TBC1D9B: variants seen among roughly 807,000 people sequenced by gnomAD.
The protein encoded by TBC1D9B is TBC1 domain family member 9B, also known as TBC1 domain family, member 9B (with GRAM domain).
In TBC1D9B, 87 loss-of-function variants were observed where a neutral mutation model predicts 121.1. That is an observed-to-expected ratio of 0.72 (90% CI 0.60 to 0.86). The LOEUF (loss-of-function observed/expected upper bound fraction) is 0.86. Ranked by LOEUF, TBC1D9B falls within the 40% of genes least tolerant of loss-of-function variation. The pLI is 0.00. For synonymous variants in TBC1D9B, 668 were observed against 670.1 expected (o/e 1.00, Z 0.05); for missense variants, 1,540 against 1,628.6 (o/e 0.95, Z 0.94).
At position 179,902,645 on chromosome 5, in the gene TBC1D9B, C is replaced by T. The variant is rs1449585589; in HGVS notation, c.229+2057G>A. 1.3e-5 allele frequency among the ~76,000 whole-genome samples: 2 copies of T among 152,162 alleles called. No homozygotes were observed. The highest frequency in any genetic ancestry group is 1.5e-5 in the Non-Finnish European group (1 of 68,010). ...GTGACTAAAGGGATTCCCACTCTGC[C>T]CCTCGTACTTTTCTCTCCCCAGGGA... On this transcript the variant is annotated intron_variant, in intron 2 of 20. Coordinates refer to ENST00000355235, the MANE Select transcript of TBC1D9B (RefSeq NM_015043.4). The surrounding 1 kb of genome is among the most constrained non-coding windows in gnomAD (Gnocchi z 4.9).
rs375585493 is a variant in TBC1D9B, at chr5:179,874,892, G to A, written c.2186+10C>T. On this transcript the variant is annotated intron_variant, in intron 12 of 20. Transcript: ENST00000355235. The surrounding 1 kb of genome is among the most constrained non-coding windows in gnomAD (Gnocchi z 4.3). ...GAGCCCCCAGCAGGAGAAGGAACCC[G>A]GCATGTCACCTGCCCAGCATGGTCA... The A allele has an allele frequency of 6.3e-5, 102 of 1,611,036 alleles. No individual in the cohort carries two copies. Among genetic ancestry groups the A allele is most frequent in the Non-Finnish European group, 8.0e-5 (94 of 1,179,010 alleles).
In TBC1D9B at chr5:179,871,382, G is replaced by T. The variant is rs111312805; in HGVS notation, c.2484+80C>A. ...TCCCTATTTCTATCTACTTCTAAGAGGATACTCTTAGATCCATTTCTTTTC... is the reference window on the plus strand; with the variant it reads ...TCCCTATTTCTATCTACTTCTAAGATGATACTCTTAGATCCATTTCTTTTC... On this transcript the variant is annotated intron_variant, in intron 15 of 20. Transcript: ENST00000355235. 3.9e-4 allele frequency: 540 copies of T among 1,387,160 alleles called. 3 individuals are homozygous for T. The African/African-American group carries it at 6.8e-3, about 17-fold the overall frequency. 85.9% of individuals were successfully genotyped at this position (1,387,160 alleles called of 1,614,324 possible). A position where few individuals can be genotyped will look rare whatever the true frequency, so the allele number is the denominator to read the frequency against.
intron 4 of TBC1D9B, 106 bp from the exon 5 acceptor site, chr5:179,893,573 C>A: frequency 2.1e-6 from 3 of 1,430,186 alleles, no homozygotes; most frequent in Non-Finnish European, 2.8e-6. Flanking sequence ...TCTCTGGGGG[C>A]AGCACTTCCT....
chr5:179,863,154 G>C lies in TBC1D9B; in HGVS notation c.*294C>G, dbSNP rs9957. ...CAAGCAAGGGCAGATCTGAGAGCCT[G>C]TAATGCTAGGCAGGTGCAGCTGGTG... On this transcript the variant is annotated 3_prime_UTR_variant, in exon 21 of 21. Coordinates refer to ENST00000355235, the MANE Select transcript of TBC1D9B (RefSeq NM_015043.4). The surrounding 1 kb of genome is among the most constrained non-coding windows in gnomAD (Gnocchi z 4.5). 224,729 of 427,524 alleles carry C rather than the reference G, an allele frequency of 0.53. 65,603 individuals carry two copies. Among genetic ancestry groups the C allele is most frequent in the African/African-American group, 0.88 (44,380 of 50,318 alleles). 26.5% of individuals were successfully genotyped at this position (427,524 alleles called of 1,614,324 possible).
In TBC1D9B at chr5:179,894,581, G is replaced by T; in HGVS notation, c.382C>A (p.Pro128Thr). ...TTCCCGGGGTCCTCGTCTCCCTGGGGCTGCAGGTTCTTGTTCTCTTCTGCG... is the reference window on the plus strand; with the variant it reads ...TTCCCGGGGTCCTCGTCTCCCTGGGTCTGCAGGTTCTTGTTCTCTTCTGCG... ...IIAEENKNLQPQGDEDPGKFK... is the reference protein window; with the variant it reads ...IIAEENKNLQTQGDEDPGKFK... The change falls in exon 4 of 21, where the codon CCC (proline) becomes ACC (threonine). Residue 128 changes from proline (P) to threonine (T), a missense_variant. Pro to Thr is a conservative substitution (Grantham distance 38). Transcript: ENST00000355235. 1 of 1,614,188 alleles carries T rather than the reference G, an allele frequency of 6.2e-7. No individual in the cohort carries two copies. Among genetic ancestry groups the T allele is most frequent in the Non-Finnish European group, 8.5e-7 (1 of 1,180,032 alleles).
rs1185082837 is a variant in TBC1D9B, at chr5:179,885,655, T to C, written c.1254+2448A>G. On this transcript the variant is annotated intron_variant, in intron 7 of 20. Coordinates refer to ENST00000355235, the MANE Select transcript of TBC1D9B (RefSeq NM_015043.4). This position sits in a 1 kb window ranked among gnomAD's most constrained non-coding sequence, Gnocchi z 4.5. ...TTTCATACGAAGTCTCCAAAACCCG[T>C]GTACAGTGATCTGAACACTCACAGC... 1.3e-5 allele frequency among the ~76,000 whole-genome samples: 2 copies of C among 152,080 alleles called. No homozygotes were observed. The highest frequency in any genetic ancestry group is 2.9e-5 in the Non-Finnish European group (2 of 68,010).
intron 8 of TBC1D9B, 66 bp downstream of exon 8, chr5:179,879,562 G>T: frequency 6.2e-7 from 1 of 1,610,108 alleles, no homozygotes; most frequent in South Asian, 1.1e-5. Flanking sequence ...CCCAGGACTG[G>T]CTCCAGCTTT....
rs1195915112 is a variant in TBC1D9B at position 179,885,417 on chromosome 5, C to T, written c.1254+2686G>A. Among the ~76,000 whole-genome samples the T allele has an allele frequency of 6.6e-6, 1 of 151,912 alleles. No homozygotes were observed. Among genetic ancestry groups the T allele is most frequent in the Admixed American group, 6.6e-5 (1 of 15,258 alleles). On this transcript the variant is annotated intron_variant, in intron 7 of 20. Coordinates refer to ENST00000355235, the MANE Select transcript of TBC1D9B (RefSeq NM_015043.4). The surrounding 1 kb of genome is among the most constrained non-coding windows in gnomAD (Gnocchi z 4.5). ...CCAGACTGGCCAACATGGCAAAAAC[C>T]CGTCTCTACTAAAAATACAAAATAA...
rs770463056 is a variant in TBC1D9B at position 179,873,236 on chromosome 5, A to G, written c.2199T>C (p.Asn733=). The change falls in exon 13 of 21, where the codon AAT becomes AAC. Residue 733 remains asparagine, a synonymous_variant. Transcript: ENST00000355235. ...GAGAGACACTCTGCTTGTTGACCAC[A>G]TTATCCAGGTATCTGCAAAGGACAG... The part of the protein sequence containing the change: ...AMTMLGRYLD[N]VVNKQSVSPP... 3.1e-6 allele frequency: 5 copies of G among 1,609,434 alleles called. No homozygotes were observed. Among genetic ancestry groups the G allele is most frequent in the Non-Finnish European group, 3.4e-6 (4 of 1,177,804 alleles).
In TBC1D9B at chr5:179,885,101, T is replaced by C. The variant is rs147325377; in HGVS notation, c.1254+3002A>G. ...CTTCTGTGATGGGCTCCAGCCGGCCTCCTTGCTTCTATTCTTGCCACTCTC... is the reference window on the plus strand; with the variant it reads ...CTTCTGTGATGGGCTCCAGCCGGCCCCCTTGCTTCTATTCTTGCCACTCTC... On this transcript the variant is annotated intron_variant, in intron 7 of 20. Coordinates refer to ENST00000355235, the MANE Select transcript of TBC1D9B (RefSeq NM_015043.4). This position sits in a 1 kb window ranked among gnomAD's most constrained non-coding sequence, Gnocchi z 4.5. Among the ~76,000 whole-genome samples the C allele has an allele frequency of 5.2e-3, 788 of 152,296 alleles. 8 individuals carry two copies. The highest frequency in any genetic ancestry group is 0.018 in the African/African-American group (761 of 41,552).
At chr5:179,897,824 A>C (rs983217281) in intron 3 of TBC1D9B, among the ~76,000 whole-genome samples, 2 of 152,252 alleles carry the variant, frequency 1.3e-5, no homozygotes, top group Non-Finnish European at 2.9e-5. Flanking sequence ...AGATAGAGGT[A>C]ACCAGGTCTC....
intron 7 of TBC1D9B, among the ~76,000 whole-genome samples, chr5:179,880,627 G>T (rs1760514732): frequency 6.6e-6 from 1 of 152,138 alleles, no homozygotes; most frequent in South Asian, 2.1e-4. Flanking sequence ...TGTGGTGATG[G>T]CTTCATGGGC....
intron 12 of TBC1D9B, among the ~76,000 whole-genome samples, 175 bp from the exon 13 acceptor site, chr5:179,873,423 G>C (rs866586595): frequency 6.6e-6 from 1 of 152,242 alleles, no homozygotes; most frequent in African/African-American, 2.4e-5. Context: ...CCCCCAGCAA[G>C]TTGGGGAGCC....
intron 10 of TBC1D9B, among the ~76,000 whole-genome samples, 188 bp downstream of exon 10, chr5:179,878,121 C>T (rs753769521): frequency 7.9e-5 from 12 of 152,238 alleles, no homozygotes; most frequent in Non-Finnish European, 1.3e-4. Context: ...AGTACAAAGA[C>T]GACGACTTCT....
chr5:179,873,839 T>TA (rs1433578683), intron 12 of TBC1D9B, among the ~76,000 whole-genome samples: 5 of 152,058 alleles, frequency 3.3e-5, no homozygotes, highest in African/African-American at 1.2e-4. Flanking sequence ...CCCATGCCCA[T>TA]AGCCCTGGTC....
Position 179,864,107 on chromosome 5 carries a change from T to C in TBC1D9B, c.3043A>G (p.Lys1015Glu), listed in dbSNP as rs1206610304. The change falls in exon 21 of 21, where the codon AAG (lysine) becomes GAG (glutamate). Residue 1015 changes from lysine to glutamate, a missense_variant. Lys to Glu is a moderately conservative substitution (Grantham distance 56). Transcript: ENST00000355235. ...TCACTGAACATGTTGTAAAGCGTCT[T>C]GCACAGCTCAATGAACTGCTCCTTT... ...MNQEQFIELC[K>E]TLYNMFSEDP... The C allele has an allele frequency of 1.2e-6, 2 of 1,608,550 alleles. No individual in the cohort carries two copies. The highest frequency in any genetic ancestry group is 2.7e-5 in the African/African-American group (2 of 74,804).
chr5:179,876,820 T>C (rs1481302520), intron 10 of TBC1D9B, among the ~76,000 whole-genome samples: 9 of 152,074 alleles, frequency 5.9e-5, no homozygotes, highest in African/African-American at 2.2e-4. Context: ...TTTGTAATCC[T>C]AGCACTTTAG....
chr5:179,904,449 T>C lies in TBC1D9B; in HGVS notation c.229+253A>G, dbSNP rs1302177480. On this transcript the variant is annotated intron_variant, in intron 2 of 20. Transcript: ENST00000355235. This position sits in a 1 kb window ranked among gnomAD's most constrained non-coding sequence, Gnocchi z 4.2. ...ACCGTGTTAGCCAGGATGGTCTCGA[T>C]CTCCTGACCTCGTGATCAGCCCGCC... Among the ~76,000 whole-genome samples, 1 of 152,016 alleles carries C rather than the reference T, an allele frequency of 6.6e-6. No individual in the cohort carries two copies. The highest frequency in any genetic ancestry group is 1.5e-5 in the Non-Finnish European group (1 of 67,998).
chr5:179,881,934 C>T (rs1342775763), intron 7 of TBC1D9B, among the ~76,000 whole-genome samples: 1 of 144,980 alleles, frequency 6.9e-6, no homozygotes, highest in African/African-American at 2.8e-5. Context: ...CATATCTTTC[C>T]ATATACCTTC....
Sources: allele counts gnomAD v4.1 joint callset (sites outside exome capture counted in the v4.1 genomes callset), GRCh38; gene constraint gnomAD v4.1.1; non-coding constraint Gnocchi (gnomAD v3.1); transcripts MANE v1.5; gene names NCBI Gene and HGNC (gene_info 2026-07-23, HGNC 2026-07-21).